The following CSMD1 variants were observed in gnomAD, a reference collection of about 807,000 sequenced individuals.
CSMD1 encodes the protein CUB and sushi domain-containing protein 1.
In CSMD1, 213 loss-of-function variants were observed where a neutral mutation model predicts 417.5. The ratio of observed to expected loss-of-function variants is 0.51; its 90% confidence interval spans 0.46 to 0.57. CSMD1 has a LOEUF of 0.57. Ranked by LOEUF, CSMD1 falls within the 20% of genes least tolerant of loss-of-function variation. The pLI, the probability that CSMD1 is intolerant of heterozygous loss-of-function variation, is 0.00. For missense variants in CSMD1, 6,923 were observed against 4,529.7 expected (o/e 1.53, Z -15.17); for synonymous variants, 2,862 against 1,736.8 (o/e 1.65, Z -16.11).
intron 3 of CSMD1, among the ~76,000 whole-genome samples, chr8:4,262,220 G>A (rs1479901564): frequency 6.6e-6 from 1 of 152,152 alleles, no homozygotes; most frequent in African/African-American, 2.4e-5. Context: ...ACTCACACTT[G>A]ACTTGGATCT....
intron 1 of CSMD1, among the ~76,000 whole-genome samples, chr8:4,833,499 G>C (rs189909878): frequency 1.8e-4 from 27 of 152,320 alleles, no homozygotes; most frequent in Admixed American, 1.7e-3. Context: ...TGAAATTTGG[G>C]TGGGGACACA....
At chr8:4,472,231 C>A (rs908207136) in intron 2 of CSMD1, among the ~76,000 whole-genome samples, 11 of 152,088 alleles carry the variant, frequency 7.2e-5, no homozygotes, top group African/African-American at 2.6e-4. Context: ...ATTTTAAAAT[C>A]GAATAGTTCT....
At chr8:3,268,118 G>T (rs1034655488) in intron 26 of CSMD1, among the ~76,000 whole-genome samples, 5 of 151,936 alleles carry the variant, frequency 3.3e-5, no homozygotes, top group African/African-American at 9.7e-5. Context: ...GAAGAGACGG[G>T]ATATTTGTAG....
chr8:4,926,911 T>C (rs1806907667), intron 1 of CSMD1, among the ~76,000 whole-genome samples: 1 of 152,124 alleles, frequency 6.6e-6, no homozygotes, highest in Non-Finnish European at 1.5e-5. Context: ...AACTTTGTTT[T>C]AGTTAATTTT....
intron 1 of CSMD1, among the ~76,000 whole-genome samples, chr8:4,640,094 C>G (rs1387284659): frequency 6.6e-6 from 1 of 152,190 alleles, no homozygotes; most frequent in Non-Finnish European, 1.5e-5. Flanking sequence ...GTTATAGACC[C>G]ATCAGGTTGA....
chr8:3,557,055 AAC>A (rs1799188189), intron 10 of CSMD1, among the ~76,000 whole-genome samples: 1 of 152,194 alleles, frequency 6.6e-6, no homozygotes, highest in African/African-American at 2.4e-5. Flanking sequence ...ACTGTCAAAA[AAC>A]ACAGAATGGC....
At chr8:3,822,357 G>T (rs758471390) in intron 5 of CSMD1, among the ~76,000 whole-genome samples, 1 of 152,040 alleles carries the variant, frequency 6.6e-6, no homozygotes, top group African/African-American at 2.4e-5. Context: ...TTTAAAAGTC[G>T]TTGAACTGTA....
intron 5 of CSMD1, among the ~76,000 whole-genome samples, chr8:3,976,207 T>C (rs977631814): frequency 6.6e-6 from 1 of 152,174 alleles, no homozygotes; most frequent in Non-Finnish European, 1.5e-5. Flanking sequence ...AAATGACATA[T>C]GTACTGGTTT....
At chr8:3,476,716 G>A (rs920413873) in intron 11 of CSMD1, among the ~76,000 whole-genome samples, 2 of 151,762 alleles carry the variant, frequency 1.3e-5, no homozygotes, top group Non-Finnish European at 2.9e-5. Context: ...TCAGGAGTTC[G>A]AGACCAGCCT....
At chr8:3,741,212 T>C (rs1796783475) in intron 6 of CSMD1, among the ~76,000 whole-genome samples, 1 of 52,930 alleles carries the variant, frequency 1.9e-5, no homozygotes, top group Non-Finnish European at 3.4e-5. Context: ...AGACTCCGTC[T>C]TAAAAAAAAA....
At chr8:3,754,125 T>A (rs776409099) in intron 5 of CSMD1, 83 bp from the exon 6 acceptor site, 14 of 804,484 alleles carry the variant, frequency 1.7e-5, no homozygotes, top group Non-Finnish European at 2.9e-5. Context: ...TGAAATCCGA[T>A]TACTTAAATC....
At chr8:2,964,573 G>A (rs1158728748) in intron 59 of CSMD1, among the ~76,000 whole-genome samples, 6 of 152,198 alleles carry the variant, frequency 3.9e-5, no homozygotes, top group Non-Finnish European at 5.9e-5. Flanking sequence ...CTAGAAAGAG[G>A]ATAAAAATCC....
At chr8:2,944,801 G>C (rs78111778) in intron 68 of CSMD1, among the ~76,000 whole-genome samples, 6,551 of 152,092 alleles carry the variant, frequency 0.043, 444 homozygotes, top group African/African-American at 0.15. Context: ...GGGATTATCT[G>C]TCTTATTCTT....
At chr8:4,699,719 G>A (rs1232123840) in intron 1 of CSMD1, among the ~76,000 whole-genome samples, 1 of 152,102 alleles carries the variant, frequency 6.6e-6, no homozygotes, top group East Asian at 1.9e-4. Flanking sequence ...CAATTTATGA[G>A]GTGTTAATTT....
At chr8:3,372,738 G>C (rs968818213) in intron 18 of CSMD1, among the ~76,000 whole-genome samples, 1 of 152,162 alleles carries the variant, frequency 6.6e-6, no homozygotes, top group African/African-American at 2.4e-5. Context: ...TGCTGGGCTT[G>C]CCTGTAGAAT....
intron 10 of CSMD1, among the ~76,000 whole-genome samples, chr8:3,537,850 T>C (rs941672778): frequency 5.9e-5 from 9 of 152,254 alleles, no homozygotes; most frequent in African/African-American, 1.7e-4. Flanking sequence ...TAAATACTTC[T>C]AAATTAATTC....
chr8:4,478,442 C>A (rs1230260932), intron 2 of CSMD1, among the ~76,000 whole-genome samples: 3 of 152,092 alleles, frequency 2.0e-5, no homozygotes, highest in African/African-American at 7.2e-5. Context: ...GTCACAAATG[C>A]CTTTAGATAA....
intron 1 of CSMD1, among the ~76,000 whole-genome samples, chr8:4,985,440 G>C (rs192516993): frequency 4.5e-4 from 68 of 152,296 alleles, no homozygotes; most frequent in Admixed American, 7.2e-4. Context: ...ATACTGAACT[G>C]AGTGATTCTG....
At chr8:3,964,094 G>C (rs985590551) in intron 5 of CSMD1, among the ~76,000 whole-genome samples, 3 of 152,146 alleles carry the variant, frequency 2.0e-5, no homozygotes, top group African/African-American at 7.2e-5. Context: ...TTTGTCAACA[G>C]TAAAAAGAAC....
Sources: allele counts gnomAD v4.1 joint callset (sites outside exome capture counted in the v4.1 genomes callset), GRCh38; gene constraint gnomAD v4.1.1; transcripts MANE v1.5; gene names NCBI Gene and HGNC (gene_info 2026-07-23, HGNC 2026-07-21).